Variants in RECK observed in about 807,000 individuals in gnomAD.
RECK encodes reversion inducing cysteine rich protein with kazal motifs.
A neutral mutation model predicts 115.1 loss-of-function variants in RECK; 69 were observed. The ratio of observed to expected loss-of-function variants is 0.60; its 90% confidence interval spans 0.49 to 0.73. RECK has a LOEUF of 0.73. Ranked by LOEUF, RECK falls within the 30% of genes least tolerant of loss-of-function variation. The probability of loss-of-function intolerance (pLI) is 0.00; values close to 1 mark genes in which losing one functional copy is unlikely to be tolerated. For missense variants in RECK, 1,047 were observed against 1,203.7 expected (o/e 0.87, Z 1.93); for synonymous variants, 414 against 419.7 (o/e 0.99, Z 0.17).
rs1823893106 is a variant in RECK at position 36,108,115 on chromosome 9, G to A, written c.1716G>A (p.Met572Ile). The change falls in exon 14 of 21, where the codon ATG (methionine) becomes ATA (isoleucine). Residue 572 changes from methionine to isoleucine, a missense_variant. By Grantham distance (10) the Met-to-Ile change is conservative (BLOSUM62 1). Transcript: ENST00000377966. Reference protein sequence around the residue: ...QSGLLENCMEMHCIDLQKSCI... With the variant: ...QSGLLENCMEIHCIDLQKSCI... ...GACTCTTAGAAAACTGTATGGAAAT[G>A]CACTGTATAGACCTCCAGAAGTCTT... is the stretch of plus-strand genomic sequence containing the variant. The A allele has an allele frequency of 6.2e-7, 1 of 1,613,986 alleles. No individual in the cohort carries two copies. The highest frequency in any genetic ancestry group is 8.5e-7 in the Non-Finnish European group (1 of 1,179,938).
chr9:36,114,531 T>C (rs1824183806), intron 16 of RECK, among the ~76,000 whole-genome samples: 1 of 152,196 alleles, frequency 6.6e-6, no homozygotes, highest in South Asian at 2.1e-4. Flanking sequence ...TTAGCACATA[T>C]AAATGCTTAT....
In RECK at chr9:36,076,161, C is replaced by T. The variant is rs535356061; in HGVS notation, c.406-4444C>T. Among the ~76,000 whole-genome samples the T allele has an allele frequency of 3.3e-5, 5 of 152,342 alleles. No homozygotes were observed. In the South Asian group the frequency reaches 1.0e-3, roughly 32 times the overall value. On this transcript the variant is annotated intron_variant, in intron 6 of 20. Coordinates refer to ENST00000377966, the MANE Select transcript of RECK (RefSeq NM_021111.3). ...CTGCCCTACCAGTGCTCTTCCATGA[C>T]ACTGCGTTGTGAGAATAGTCTGGTC... is the stretch of plus-strand genomic sequence containing the variant.
chr9:36,099,724 A>G (rs1226063474), intron 10 of RECK, among the ~76,000 whole-genome samples: 1 of 152,114 alleles, frequency 6.6e-6, no homozygotes, highest in African/African-American at 2.4e-5. Context: ...AGCTCAAGCT[A>G]TCTTCCTGCC....
chr9:36,099,875 G>A (rs1320872352), intron 10 of RECK, among the ~76,000 whole-genome samples: 1 of 152,094 alleles, frequency 6.6e-6, no homozygotes, highest in Non-Finnish European at 1.5e-5. Context: ...ACTCAACAGT[G>A]GCACAAGGGA....
chr9:36,089,817 G>A (rs1378757731), intron 9 of RECK, among the ~76,000 whole-genome samples: 1 of 152,110 alleles, frequency 6.6e-6, no homozygotes, highest in South Asian at 2.1e-4. Flanking sequence ...AAGCATTTCA[G>A]ATGAGGGATA....
At chr9:36,107,229 T>A (rs111391609) in intron 13 of RECK, among the ~76,000 whole-genome samples, 1 of 152,198 alleles carries the variant, frequency 6.6e-6, no homozygotes, top group African/African-American at 2.4e-5. Flanking sequence ...ACCCAAATAT[T>A]CAGTTTTTCC....
At position 36,123,079 on chromosome 9, in the gene RECK, T is replaced by G. The variant is rs1372796127; in HGVS notation, c.*34T>G. The G allele has an allele frequency of 6.5e-7, 1 of 1,540,004 alleles. No individual in the cohort carries two copies. Among genetic ancestry groups the G allele is most frequent in the African/African-American group, 1.4e-5 (1 of 73,542 alleles). The stretch of plus-strand genomic sequence containing the variant: ...GGAAAGTGCAGAATGCTCCTCCACC[T>G]CACTCTCCTGCCTTGAAAAAGACAT... On this transcript the variant is annotated 3_prime_UTR_variant, in exon 21 of 21. Coordinates refer to ENST00000377966, the MANE Select transcript of RECK (RefSeq NM_021111.3).
At chr9:36,039,270 A>G (rs1820782859) in intron 1 of RECK, among the ~76,000 whole-genome samples, 1 of 152,262 alleles carries the variant, frequency 6.6e-6, no homozygotes, top group Admixed American at 6.5e-5. Context: ...ATTGAGTAAT[A>G]TAATGGACAA....
chr9:36,060,064 T>C, intron 3 of RECK, 55 bp from the exon 4 acceptor site: 5 of 1,506,978 alleles, frequency 3.3e-6, no homozygotes, highest in Non-Finnish European at 2.8e-6. Context: ...AAATTAATTG[T>C]CATATTTAGG....
At chr9:36,048,490 T>G (rs1459830398) in intron 1 of RECK, among the ~76,000 whole-genome samples, 5 of 152,108 alleles carry the variant, frequency 3.3e-5, no homozygotes, top group Admixed American at 6.5e-5. Context: ...TTCTCTATTT[T>G]CCAAAGTGGC....
intron 10 of RECK, among the ~76,000 whole-genome samples, chr9:36,096,251 A>T (rs926450623): frequency 4.7e-5 from 7 of 149,602 alleles, no homozygotes; most frequent in South Asian, 4.3e-4. Flanking sequence ...AAAAAATTTT[A>T]AAAGGCTGGG....
At chr9:36,119,729 C>G (rs1362574245) in intron 18 of RECK, among the ~76,000 whole-genome samples, 1 of 152,082 alleles carries the variant, frequency 6.6e-6, no homozygotes, top group African/African-American at 2.4e-5. Flanking sequence ...AGGGAGGTGA[C>G]AGACCAAACA....
chr9:36,066,758 A>G (rs1588289695), intron 6 of RECK: 1 of 1,274,816 alleles, frequency 7.8e-7, no homozygotes, highest in South Asian at 1.3e-5. Context: ...GACACTGTCC[A>G]TCTTCCATAG....
chr9:36,038,941 A>G (rs1410862764), intron 1 of RECK, among the ~76,000 whole-genome samples: 1 of 152,230 alleles, frequency 6.6e-6, no homozygotes, highest in African/African-American at 2.4e-5. Context: ...AACTCTGTGA[A>G]TATACTAAAA....
intron 11 of RECK, 100 bp from the exon 12 acceptor site, chr9:36,101,994 G>T: frequency 8.7e-7 from 1 of 1,153,348 alleles, no homozygotes; most frequent in South Asian, 1.5e-5. Context: ...GTTAAGTTAT[G>T]AAAGCTTACT....
rs1820683046 is a variant in RECK, at chr9:36,036,955, C to G, written c.-44C>G. 4 of 1,305,406 alleles carry G rather than the reference C, an allele frequency of 3.1e-6. No individual in the cohort carries two copies. The highest frequency in any genetic ancestry group is 6.4e-5 in the East Asian group (2 of 31,084). The allele number at this position is 1,305,406 out of a possible 1,614,324, so 80.9% of individuals were successfully genotyped here. On this transcript the variant is annotated 5_prime_UTR_variant, in exon 1 of 21. Coordinates refer to ENST00000377966, the MANE Select transcript of RECK (RefSeq NM_021111.3). The stretch of plus-strand genomic sequence containing the variant: ...AGCGGCGGCAGCGGCTGCGGCCAAG[C>G]TGGGTCCGAGCATCCCGCGGCTCTG...
Position 36,036,931 on chromosome 9 carries a change from G to A in RECK, c.-68G>A. On this transcript the variant is annotated 5_prime_UTR_variant, in exon 1 of 21. Coordinates refer to ENST00000377966, the MANE Select transcript of RECK (RefSeq NM_021111.3). The stretch of plus-strand genomic sequence containing the variant: ...GGGCCTCGCGCGAGCGGCGGCGGTA[G>A]CGGCGGCAGCGGCTGCGGCCAAGCT... 1 of 1,069,262 alleles carries A rather than the reference G, an allele frequency of 9.4e-7. No homozygotes were observed. Among genetic ancestry groups the A allele is most frequent in the Non-Finnish European group, 1.2e-6 (1 of 825,894 alleles). The allele number at this position is 1,069,262 out of a possible 1,614,324, so 66.2% of individuals were successfully genotyped here.
In RECK at chr9:36,118,789, G is replaced by C. The variant is rs747476592; in HGVS notation, c.2286G>C (p.Gly762=). ...GCAGAGCAACCGAGCCCGTATGTGGGCACAATGGTGAGACCTACAGCAGTG... is the reference window on the plus strand; with the variant it reads ...GCAGAGCAACCGAGCCCGTATGTGGCCACAATGGTGAGACCTACAGCAGTG... ...PFCRATEPVC[G]HNGETYSSVC... Residue 762 remains glycine, a synonymous_variant, in exon 18 of 21, where the codon GGG becomes GGC. Transcript: ENST00000377966. 1.2e-6 allele frequency: 2 copies of C among 1,614,098 alleles called. No homozygotes were observed. The highest frequency in any genetic ancestry group is 3.3e-5 in the Admixed American group (2 of 60,022).
chr9:36,054,200 G>C (rs1208116053), intron 2 of RECK, among the ~76,000 whole-genome samples: 1 of 152,158 alleles, frequency 6.6e-6, no homozygotes, highest in African/African-American at 2.4e-5. Flanking sequence ...AGACAGGATG[G>C]AGTCTTGATG....
Sources: allele counts gnomAD v4.1 joint callset (sites outside exome capture counted in the v4.1 genomes callset), GRCh38; gene constraint gnomAD v4.1.1; transcripts MANE v1.5; gene names NCBI Gene and HGNC (gene_info 2026-07-23, HGNC 2026-07-21).